PBX1: variants seen among roughly 807,000 people sequenced by gnomAD.
The protein encoded by PBX1 is pre-B-cell leukemia transcription factor 1.
PBX1 carries 6 observed loss-of-function variants against 53.4 expected under a neutral mutation model. The ratio of observed to expected loss-of-function variants is 0.11; its 90% CI spans 0.06 to 0.22. The LOEUF (loss-of-function observed/expected upper bound fraction) is 0.22. Among genes scored for constraint, PBX1 ranks in the 10% least tolerant of loss-of-function variants. PBX1 has a pLI of 1.00. For missense variants in PBX1, 251 were observed against 551.4 expected (o/e 0.46, Z 5.46); for synonymous variants, 204 against 212.3 (o/e 0.96, Z 0.34).
At chr1:164,725,714 T>C (rs560212056) in intron 2 of PBX1, among the ~76,000 whole-genome samples, 124 of 152,258 alleles carry the variant, frequency 8.1e-4, no homozygotes, top group African/African-American at 2.9e-3. Flanking sequence ...CAAATGCATT[T>C]CAGGGCAAAA....
chr1:164,743,341 T>A (rs547221564), intron 2 of PBX1, among the ~76,000 whole-genome samples: 34 of 152,274 alleles, frequency 2.2e-4, no homozygotes, highest in African/African-American at 8.2e-4. Flanking sequence ...TTTCTTTATA[T>A]CTTTTTAAAT....
intron 2 of PBX1, among the ~76,000 whole-genome samples, chr1:164,719,913 G>C (rs1000769694): frequency 2.6e-5 from 4 of 152,148 alleles, no homozygotes; most frequent in Non-Finnish European, 2.9e-5. Flanking sequence ...ATTTCACCCT[G>C]CCTGCAAACA....
At chr1:164,879,380 G>A (rs1672592453) in intron 2 of PBX1, among the ~76,000 whole-genome samples, 1 of 152,176 alleles carries the variant, frequency 6.6e-6, no homozygotes, top group African/African-American at 2.4e-5. Flanking sequence ...TGGACTCAGT[G>A]GCTACCTGCA....
Position 164,673,465 on chromosome 1 carries a change from C to CTTTT in PBX1, c.265+110174_265+110177dup, listed in dbSNP as rs1171916726. Among the ~76,000 whole-genome samples, 804 of 109,374 alleles carry CTTTT rather than the reference C, an allele frequency of 7.4e-3. 35 individuals are homozygous for CTTTT. The highest frequency in any genetic ancestry group is 0.023 in the African/African-American group (576 of 25,292). 71.8% of individuals were successfully genotyped at this position (109,374 alleles called of 152,430 possible). On this transcript the variant is annotated intron_variant, in intron 2 of 8. Coordinates refer to ENST00000420696, the MANE Select transcript of PBX1 (RefSeq NM_002585.4). ...TTTTTTTCTTCTGGAAAATTACTAA[C>CTTTT]TTTTTTTTTTTTTTTTTTTTTTTGA...
At chr1:164,700,366 C>A in intron 2 of PBX1, 1 of 763,976 alleles carries the variant, frequency 1.3e-6, no homozygotes, top group Non-Finnish European at 1.6e-6. Flanking sequence ...ATGGAGAAGC[C>A]AAGGAAGGCA....
At chr1:164,780,201 C>T (rs1667863103) in intron 2 of PBX1, among the ~76,000 whole-genome samples, 2 of 152,088 alleles carry the variant, frequency 1.3e-5, no homozygotes, top group Non-Finnish European at 2.9e-5. Context: ...CCCGATTTTA[C>T]CAGCATGTAA....
intron 2 of PBX1, among the ~76,000 whole-genome samples, chr1:164,697,886 G>C (rs1662880812): frequency 6.6e-6 from 1 of 152,180 alleles, no homozygotes; most frequent in Non-Finnish European, 1.5e-5. Flanking sequence ...ATTTGGAATT[G>C]AACTAGACAA....
chr1:164,752,158 G>A (rs1195761482), intron 2 of PBX1, among the ~76,000 whole-genome samples: 2 of 151,486 alleles, frequency 1.3e-5, no homozygotes, highest in Non-Finnish European at 2.9e-5. Flanking sequence ...AAACAAACAA[G>A]CGGAGATGTC....
chr1:164,561,950 C>A (rs889263437), intron 1 of PBX1, among the ~76,000 whole-genome samples: 2 of 147,052 alleles, frequency 1.4e-5, no homozygotes, highest in Admixed American at 1.4e-4. Flanking sequence ...TATTTTCCAT[C>A]TTTTTTTTTT....
chr1:164,653,440 C>T (rs528511205), intron 2 of PBX1, among the ~76,000 whole-genome samples: 69 of 151,866 alleles, frequency 4.5e-4, no homozygotes, highest in African/African-American at 1.5e-3. Context: ...TGGCCTGGCT[C>T]CCTGAATTCA....
chr1:164,653,111 C>G (rs1659935564), intron 2 of PBX1, among the ~76,000 whole-genome samples: 1 of 152,020 alleles, frequency 6.6e-6, no homozygotes, highest in African/African-American at 2.4e-5. Context: ...AAGTGATCTG[C>G]CCGCCTCAGC....
At chr1:164,884,817 C>T (rs1672740297) in intron 2 of PBX1, among the ~76,000 whole-genome samples, 1 of 152,160 alleles carries the variant, frequency 6.6e-6, no homozygotes, top group African/African-American at 2.4e-5. Context: ...CCCCACTAAT[C>T]CAGCAATCAA....
chr1:164,599,051 CTG>C (rs1052072257), intron 2 of PBX1, among the ~76,000 whole-genome samples: 3 of 145,570 alleles, frequency 2.1e-5, no homozygotes, highest in Non-Finnish European at 4.5e-5. Context: ...GATTTATTTT[CTG>C]TCTCTTTTTT....
At chr1:164,736,898 G>C (rs1410362847) in intron 2 of PBX1, among the ~76,000 whole-genome samples, 1 of 152,218 alleles carries the variant, frequency 6.6e-6, no homozygotes, top group Non-Finnish European at 1.5e-5. Flanking sequence ...AGAAAGGAGA[G>C]TGGGAATATG....
In PBX1 at chr1:164,849,344, T is replaced by TC. The variant is rs764135164; in HGVS notation, c.*2673dup. 2.9e-5 allele frequency: 44 copies of TC among 1,534,972 alleles called. No homozygotes were observed. The highest frequency in any genetic ancestry group is 3.3e-4 in the Middle Eastern group (2 of 6,012). On this transcript the variant is annotated 3_prime_UTR_variant, in exon 9 of 9. Coordinates refer to ENST00000420696, the MANE Select transcript of PBX1 (RefSeq NM_002585.4). ...CTTAGTCTTCTCTATACCCAGCACC[T>TC]CCCCCGGCACCCCCGGCAAGCCCAC...
chr1:164,796,147 A>C (rs2102311079), intron 3 of PBX1, among the ~76,000 whole-genome samples: 1 of 151,958 alleles, frequency 6.6e-6, no homozygotes, highest in East Asian at 2.0e-4. Flanking sequence ...GCAGCTGGGA[A>C]TACAGGCACG....
chr1:164,881,352 GGAAGGAAGGAGGAAAA>G lies in PBX1; in HGVS notation n.258-17825_258-17810del, dbSNP rs1387945930. Among the ~76,000 whole-genome samples the G allele has an allele frequency of 7.3e-4, 70 of 95,870 alleles. 5 individuals are homozygous for G. In the South Asian group the frequency reaches 0.012, roughly 17 times the overall value. The allele number at this position is 95,870 out of a possible 152,430, so 62.9% of individuals were successfully genotyped here. ...GGAAAAGAAGGAAGGAAGGAAGGAAGGAAGGAAGGAGGAAAAGAAGGAAGGAAGGAAGGAAGGAAGG... is the reference window on the plus strand; with the variant it reads ...GGAAAAGAAGGAAGGAAGGAAGGAAGGAAGGAAGGAAGGAAGGAAGGAAGG... On this transcript the variant is annotated intron_variant and non_coding_transcript_variant, in intron 2 of 2. Coordinates refer to the PBX1 transcript ENST00000558796.
chr1:164,590,518 G>T, intron 2 of PBX1: 1 of 455,426 alleles, frequency 2.2e-6, no homozygotes, highest in Non-Finnish European at 4.4e-6. Context: ...CGTTTTTGGT[G>T]AGCCTTAATG....
chr1:164,738,167 G>T (rs1665402809), intron 2 of PBX1, among the ~76,000 whole-genome samples: 1 of 152,120 alleles, frequency 6.6e-6, no homozygotes, highest in Non-Finnish European at 1.5e-5. Flanking sequence ...TGAACATTTG[G>T]ATCATTTACA....
Sources: gnomAD v4.1 joint callset for allele counts (sites outside exome capture counted in the v4.1 genomes callset) on GRCh38, gnomAD v4.1.1 for gene constraint, MANE v1.5 for transcripts, NCBI Gene and HGNC (gene_info 2026-07-23, HGNC 2026-07-21) for gene names.